Variants in ST8SIA2 observed in about 807,000 individuals in gnomAD.
The protein encoded by ST8SIA2 is alpha-2,8-sialyltransferase 8B.
In ST8SIA2, 22 loss-of-function variants were observed where a neutral mutation model predicts 37.6. The ratio of observed to expected loss-of-function variants is 0.58; its 90% confidence interval spans 0.42 to 0.83. The LOEUF is 0.83. Among genes scored for constraint, ST8SIA2 ranks in the 40% least tolerant of loss-of-function variants. The probability of loss-of-function intolerance (pLI) is 0.00; values close to 1 mark genes in which losing one functional copy is unlikely to be tolerated. For missense variants in ST8SIA2, 382 were observed against 484.7 expected (o/e 0.79, Z 1.99); for synonymous variants, 205 against 201.2 (o/e 1.02, Z -0.16).
At position 92,419,320 on chromosome 15, in the gene ST8SIA2, G is replaced by A. The variant is rs116519650; in HGVS notation, c.99-10729G>A. ...AGTGTAGACGGACCTGAGAAAGTTT[G>A]CAAAGAGCTGGCGAGAGAGAAATCG... On this transcript the variant is annotated intron_variant, in intron 1 of 5. Coordinates refer to ENST00000268164, the MANE Select transcript of ST8SIA2 (RefSeq NM_006011.4). 5.1e-3 allele frequency among the ~76,000 whole-genome samples: 774 copies of A among 152,274 alleles called. 8 individuals are homozygous for A. Among genetic ancestry groups the A allele is most frequent in the African/African-American group, 0.017 (725 of 41,558 alleles).
rs761079156 is a variant in ST8SIA2 at position 92,430,107 on chromosome 15, A to C, written c.157A>C (p.Asn53His). The C allele has an allele frequency of 1.1e-5, 18 of 1,613,988 alleles. No homozygotes were observed. The highest frequency in any genetic ancestry group is 1.5e-5 in the Non-Finnish European group (18 of 1,179,954). ...SAVNSLHSKS[N>H]RAEVVINGSS... ...TGTGAACAGCTTACATAGCAAATCTAATAGGTTTGTAAATTAGATTTTGTG... is the reference window on the plus strand; with the variant it reads ...TGTGAACAGCTTACATAGCAAATCTCATAGGTTTGTAAATTAGATTTTGTG... The change falls in exon 2 of 6, where the codon AAT becomes CAT. Residue 53 changes from asparagine (N) to histidine (H), a missense_variant. Asn to His is a moderately conservative substitution (Grantham distance 68, BLOSUM62 1). Coordinates refer to ENST00000268164, the MANE Select transcript of ST8SIA2 (RefSeq NM_006011.4).
At chr15:92,409,887 C>T (rs988684862) in intron 1 of ST8SIA2, among the ~76,000 whole-genome samples, 3 of 152,194 alleles carry the variant, frequency 2.0e-5, no homozygotes, top group Non-Finnish European at 4.4e-5. Flanking sequence ...GCTTACAAGC[C>T]CTGTGCTGAG....
intron 1 of ST8SIA2, among the ~76,000 whole-genome samples, chr15:92,397,770 T>C (rs879700872): frequency 6.6e-6 from 1 of 152,192 alleles, no homozygotes; most frequent in Non-Finnish European, 1.5e-5. Context: ...TCAATAAACA[T>C]CTGTTGGATA....
chr15:92,411,762 A>G (rs1375936244), intron 1 of ST8SIA2, among the ~76,000 whole-genome samples: 1 of 152,200 alleles, frequency 6.6e-6, no homozygotes, highest in Non-Finnish European at 1.5e-5. Flanking sequence ...TAAGAGAATA[A>G]CAGGAGAGAA....
chr15:92,394,194 G>T (rs1247812440), intron 1 of ST8SIA2, 32 bp downstream of exon 1: 1 of 1,531,868 alleles, frequency 6.5e-7, no homozygotes. Flanking sequence ...CGTGCCACGA[G>T]CCCTGGCGGG....
At chr15:92,458,232 A>G (rs1018516300) in intron 5 of ST8SIA2, among the ~76,000 whole-genome samples, 2 of 152,286 alleles carry the variant, frequency 1.3e-5, no homozygotes, top group Non-Finnish European at 1.5e-5. Context: ...GGATTCTTCC[A>G]TCTTAGGCTG....
chr15:92,439,247 A>C (rs533475344), intron 4 of ST8SIA2, among the ~76,000 whole-genome samples: 72 of 152,028 alleles, frequency 4.7e-4, no homozygotes, highest in African/African-American at 1.5e-3. Context: ...GTGCCCTACT[A>C]GTGACTTTAT....
chr15:92,440,825 T>C (rs1199604016), intron 4 of ST8SIA2, among the ~76,000 whole-genome samples: 1 of 152,158 alleles, frequency 6.6e-6, no homozygotes, highest in Non-Finnish European at 1.5e-5. Flanking sequence ...AAAGAGAGCA[T>C]GATGTTGCAA....
At chr15:92,419,195 G>A (rs779311924) in intron 1 of ST8SIA2, among the ~76,000 whole-genome samples, 3 of 152,176 alleles carry the variant, frequency 2.0e-5, no homozygotes, top group Non-Finnish European at 2.9e-5. Context: ...GAATGTCATT[G>A]CAAGGTGGCC....
intron 1 of ST8SIA2, among the ~76,000 whole-genome samples, chr15:92,403,071 C>T (rs2049483361): frequency 6.6e-6 from 1 of 152,118 alleles, no homozygotes; most frequent in African/African-American, 2.4e-5. Context: ...GGAGATAGCA[C>T]ATCCCAAGGA....
At position 92,464,432 on chromosome 15, in the gene ST8SIA2, C is replaced by T. The variant is rs2049979001; in HGVS notation, c.*47C>T. ...AGTGGCTCACATTTCCTGCCAGCTACACCACAGGCAGATGGGAGTCGGGGT... is the reference window on the plus strand; with the variant it reads ...AGTGGCTCACATTTCCTGCCAGCTATACCACAGGCAGATGGGAGTCGGGGT... On this transcript the variant is annotated 3_prime_UTR_variant, in exon 6 of 6. Coordinates refer to ENST00000268164, the MANE Select transcript of ST8SIA2 (RefSeq NM_006011.4). The T allele has an allele frequency of 2.5e-6, 4 of 1,606,808 alleles. No homozygotes were observed. In the South Asian group the frequency reaches 3.3e-5, roughly 13 times the overall value.
intron 5 of ST8SIA2, among the ~76,000 whole-genome samples, chr15:92,461,623 C>T (rs1053713199): frequency 2.6e-5 from 4 of 152,182 alleles, no homozygotes; most frequent in African/African-American, 4.8e-5. Flanking sequence ...AAGGAAATAG[C>T]GCAGTGCCAT....
chr15:92,397,575 G>C (rs1410263709), intron 1 of ST8SIA2, among the ~76,000 whole-genome samples: 1 of 152,168 alleles, frequency 6.6e-6, no homozygotes, highest in Admixed American at 6.5e-5. Context: ...GTGGGGCTTT[G>C]GTAAAATAGG....
chr15:92,464,751 T>C lies in ST8SIA2; in HGVS notation c.*366T>C, dbSNP rs1403521073. ...TGGCTTGGAGGGATCTTTGGGCTCA[T>C]GGATGAATGGCGAGCCACCTGTTGT... is the stretch of plus-strand genomic sequence containing the variant. On this transcript the variant is annotated 3_prime_UTR_variant, in exon 6 of 6. Transcript: ENST00000268164. The C allele has an allele frequency of 3.8e-6, 1 of 265,722 alleles. No homozygotes were observed. The allele number at this position is 265,722 out of a possible 1,614,324, so 16.5% of individuals were successfully genotyped here.
At chr15:92,397,270 C>G (rs1378612758) in intron 1 of ST8SIA2, among the ~76,000 whole-genome samples, 1 of 152,124 alleles carries the variant, frequency 6.6e-6, no homozygotes, top group Non-Finnish European at 1.5e-5. Flanking sequence ...GCTTTTGATT[C>G]TCTTTTTTTT....
chr15:92,443,412 G>A (rs1217179679), intron 4 of ST8SIA2, among the ~76,000 whole-genome samples: 1 of 152,228 alleles, frequency 6.6e-6, no homozygotes, highest in Non-Finnish European at 1.5e-5. Flanking sequence ...AGCAGAGGCT[G>A]CTCACCCAGG....
chr15:92,429,643 T>C (rs961789835), intron 1 of ST8SIA2, among the ~76,000 whole-genome samples: 3 of 152,180 alleles, frequency 2.0e-5, no homozygotes, highest in Non-Finnish European at 2.9e-5. Flanking sequence ...GCTCACTACA[T>C]GTGAGTGAAA....
intron 4 of ST8SIA2, among the ~76,000 whole-genome samples, chr15:92,441,259 G>A (rs1304301416): frequency 6.6e-6 from 1 of 152,134 alleles, no homozygotes; most frequent in Non-Finnish European, 1.5e-5. Context: ...AAAACCTAGT[G>A]CCTCCTAGGG....
rs2049774255 is a variant in ST8SIA2 at position 92,438,281 on chromosome 15, T to C, written c.291-72T>C. 4 of 1,612,174 alleles carry C rather than the reference T, an allele frequency of 2.5e-6. No homozygotes were observed. In the African/African-American group the frequency reaches 5.3e-5, roughly 22 times the overall value. Reference sequence around the variant, plus strand: ...AGCCACCGTGCAGGGCGACCCTGGATAGGAAAAGCTGGGCTGGCAAAGGGC... The same window carrying C: ...AGCCACCGTGCAGGGCGACCCTGGACAGGAAAAGCTGGGCTGGCAAAGGGC... On this transcript the variant is annotated intron_variant, in intron 3 of 5. Transcript: ENST00000268164.
Sources: allele counts gnomAD v4.1 joint callset (sites outside exome capture counted in the v4.1 genomes callset), GRCh38; gene constraint gnomAD v4.1.1; transcripts MANE v1.5; gene names NCBI Gene and HGNC (gene_info 2026-07-23, HGNC 2026-07-21).